Variants in PAN3 observed in about 807,000 individuals in gnomAD.
The protein encoded by PAN3 is PAN2-PAN3 deadenylation complex subunit PAN3.
PAN3 carries 19 observed loss-of-function variants against 96.2 expected under a neutral mutation model. The observed-to-expected ratio is 0.20, with a 90% CI of 0.14 to 0.29. The LOEUF is 0.29. Ranked by LOEUF, PAN3 falls within the 10% of genes least tolerant of loss-of-function variation. The probability of loss-of-function intolerance (pLI) is 1.00; values close to 1 mark genes in which losing one functional copy is unlikely to be tolerated. For missense variants in PAN3, 882 were observed against 1,108.1 expected (o/e 0.80, Z 2.90); for synonymous variants, 433 against 406.6 (o/e 1.06, Z -0.78).
At position 28,260,475 on chromosome 13, in the gene PAN3, C is replaced by T; in HGVS notation, c.1277C>T (p.Pro426Leu). 1 of 1,613,186 alleles carries T rather than the reference C, an allele frequency of 6.2e-7. No homozygotes were observed. The highest frequency in any genetic ancestry group is 1.7e-4 in the Middle Eastern group (1 of 6,058). Residue 426 changes from proline (P) to leucine (L), a missense_variant, in exon 8 of 19, where the codon CCA becomes CTA. By Grantham distance (98) the Pro-to-Leu change is moderately conservative (BLOSUM62 -3). Coordinates refer to ENST00000380958, the MANE Select transcript of PAN3 (RefSeq NM_175854.8). ...MVFPNYHIYPPTAPHVAYMQP... is the reference protein window; with the variant it reads ...MVFPNYHIYPLTAPHVAYMQP... The stretch of plus-strand genomic sequence containing the variant: ...TTTCCAAACTATCATATTTATCCTC[C>T]AACTGCACCTCACGTTGCTTATATG...
At chr13:28,283,923 T>C (rs1868621314) in intron 17 of PAN3, among the ~76,000 whole-genome samples, 1 of 152,214 alleles carries the variant, frequency 6.6e-6, no homozygotes, top group Admixed American at 6.5e-5. Flanking sequence ...CCTATGGATG[T>C]GTTATAGTTT....
intron 6 of PAN3, among the ~76,000 whole-genome samples, chr13:28,228,699 A>G (rs973847167): frequency 7.2e-5 from 11 of 152,170 alleles, no homozygotes; most frequent in African/African-American, 2.2e-4. Context: ...GATTAAATAT[A>G]TTAACATCCT....
chr13:28,189,317 A>T (rs1199330749), intron 4 of PAN3, among the ~76,000 whole-genome samples: 3 of 152,180 alleles, frequency 2.0e-5, no homozygotes, highest in African/African-American at 4.8e-5. Flanking sequence ...GGAGTTCAAG[A>T]CCAGCCTGGC....
chr13:28,223,907 G>A (rs1250164301), intron 6 of PAN3, among the ~76,000 whole-genome samples: 2 of 107,492 alleles, frequency 1.9e-5, no homozygotes, highest in Non-Finnish European at 3.5e-5. Context: ...TTGAGACAGA[G>A]TCTCTCTCTG....
At chr13:28,278,885 A>G (rs1378233245) in intron 15 of PAN3, among the ~76,000 whole-genome samples, 2 of 152,100 alleles carry the variant, frequency 1.3e-5, no homozygotes, top group Non-Finnish European at 2.9e-5. Context: ...GGGTATAGCT[A>G]TTCATTTATC....
rs540950298 is a variant in PAN3 at position 28,214,640 on chromosome 13, G to A, written c.853-5591G>A. The A allele has an allele frequency of 1.1e-4, 46 of 424,374 alleles. 2 individuals carry two copies. The highest frequency in any genetic ancestry group is 9.5e-4 in the South Asian group (43 of 45,198). 26.3% of individuals were successfully genotyped at this position (424,374 alleles called of 1,614,324 possible). A position where few individuals can be genotyped will look rare whatever the true frequency, so the allele number is the denominator to read the frequency against. Reference sequence around the variant, plus strand: ...CAACAAAAGAATCATTGAAAAATTGGAAAAGGAGGCTGCTGAGATGGGAAA... The same window carrying A: ...CAACAAAAGAATCATTGAAAAATTGAAAAAGGAGGCTGCTGAGATGGGAAA... On this transcript the variant is annotated intron_variant, in intron 5 of 18. Transcript: ENST00000380958.
intron 1 of PAN3, among the ~76,000 whole-genome samples, chr13:28,157,786 A>C (rs1350400372): frequency 6.6e-6 from 1 of 152,220 alleles, no homozygotes; most frequent in African/African-American, 2.4e-5. Context: ...GCCCAAAACA[A>C]AATAAATATT....
chr13:28,246,561 A>G (rs1023424694), intron 6 of PAN3, among the ~76,000 whole-genome samples: 2 of 151,998 alleles, frequency 1.3e-5, no homozygotes, highest in Non-Finnish European at 2.9e-5. Context: ...CCGTTAACCA[A>G]CCTCTTCAGT....
chr13:28,222,145 A>G (rs893119114), intron 6 of PAN3, among the ~76,000 whole-genome samples: 6 of 152,182 alleles, frequency 3.9e-5, no homozygotes. Context: ...AGCCTTTTCA[A>G]TTGGAGGAGT....
At position 28,226,179 on chromosome 13, in the gene PAN3, C is replaced by A. The variant is rs181811851; in HGVS notation, c.1000+5801C>A. 5.7e-3 allele frequency among the ~76,000 whole-genome samples: 874 copies of A among 152,214 alleles called. 5 individuals are homozygous for A. Among genetic ancestry groups the A allele is most frequent in the Middle Eastern group, 0.024 (7 of 294 alleles). The stretch of plus-strand genomic sequence containing the variant: ...TAAGTCTTTCAAGGCACAAAAACTC[C>A]ATAAGCGATTGCTTTAGATTATTTT... On this transcript the variant is annotated intron_variant, in intron 6 of 18. Coordinates refer to ENST00000380958, the MANE Select transcript of PAN3 (RefSeq NM_175854.8).
chr13:28,224,769 C>G (rs749914050), intron 6 of PAN3, among the ~76,000 whole-genome samples: 5 of 152,136 alleles, frequency 3.3e-5, no homozygotes, highest in Non-Finnish European at 5.9e-5. Context: ...ACTACAGATA[C>G]ATGCCAAGTT....
chr13:28,224,035 AT>A (rs906433610), intron 6 of PAN3, among the ~76,000 whole-genome samples: 1 of 150,122 alleles, frequency 6.7e-6, no homozygotes, highest in Non-Finnish European at 1.5e-5. Flanking sequence ...CGCCCGGCTA[AT>A]TTTTTTTTGT....
intron 6 of PAN3, among the ~76,000 whole-genome samples, chr13:28,233,204 G>A (rs1370901166): frequency 6.6e-6 from 1 of 151,672 alleles, no homozygotes; most frequent in Non-Finnish European, 1.5e-5. Context: ...ACCTCATATA[G>A]AGGAGAAGGG....
intron 9 of PAN3, among the ~76,000 whole-genome samples, chr13:28,261,706 G>A (rs1363553128): frequency 6.6e-6 from 1 of 151,904 alleles, no homozygotes; most frequent in Admixed American, 6.6e-5. Flanking sequence ...GTGCATATTT[G>A]TAGTCCCAGC....
chr13:28,274,072 TC>T lies in PAN3; in HGVS notation c.2049+2004del, dbSNP rs1229067475. 2.6e-5 allele frequency among the ~76,000 whole-genome samples: 4 copies of T among 152,278 alleles called. No homozygotes were observed. In the East Asian group the frequency reaches 7.7e-4, roughly 29 times the overall value. ...TTTGCAGACGTTTCACACCCTTCTT[TC>T]CCTCTGCTTGTGCCCACCTAACCTC... On this transcript the variant is annotated intron_variant, in intron 14 of 18. Transcript: ENST00000380958.
At chr13:28,247,549 AAT>A (rs1884325251) in intron 6 of PAN3, among the ~76,000 whole-genome samples, 1 of 151,872 alleles carries the variant, frequency 6.6e-6, no homozygotes, top group East Asian at 1.9e-4. Context: ...TTTTTTTCCT[AAT>A]AGTTTCAAGT....
At chr13:28,195,061 A>C (rs756673583) in intron 4 of PAN3, among the ~76,000 whole-genome samples, 13 of 152,136 alleles carry the variant, frequency 8.5e-5, no homozygotes, top group African/African-American at 4.8e-5. Context: ...AGACATAGAG[A>C]GTAACTAGAT....
At chr13:28,281,863 C>T (rs1887499859) in intron 17 of PAN3, among the ~76,000 whole-genome samples, 1 of 151,372 alleles carries the variant, frequency 6.6e-6, no homozygotes, top group Admixed American at 6.6e-5. Flanking sequence ...CTCTGCCTCC[C>T]AGGTTCAAGC....
rs190284081 is a variant in PAN3 at position 28,203,041 on chromosome 13, C to A, written c.852+5695C>A. Among the ~76,000 whole-genome samples, 522 of 151,936 alleles carry A rather than the reference C, an allele frequency of 3.4e-3. 4 individuals carry two copies. Among genetic ancestry groups the A allele is most frequent in the Admixed American group, 0.021 (316 of 15,268 alleles). On this transcript the variant is annotated intron_variant, in intron 5 of 18. Transcript: ENST00000380958. ...GCAGTGGTGCAGTCTTGGCTCACTGCAACCTCTGCCTCCCAGGCTCAAGCG... is the reference window on the plus strand; with the variant it reads ...GCAGTGGTGCAGTCTTGGCTCACTGAAACCTCTGCCTCCCAGGCTCAAGCG...
Sources: allele counts gnomAD v4.1 joint callset (sites outside exome capture counted in the v4.1 genomes callset), GRCh38; gene constraint gnomAD v4.1.1; transcripts MANE v1.5; gene names NCBI Gene and HGNC (gene_info 2026-07-23, HGNC 2026-07-21).